The following GPC6 variants were observed in gnomAD, a reference collection of about 807,000 sequenced individuals.
GPC6 encodes the protein glypican 6, also known as glypican-6.
Under a neutral mutation model 55.2 loss-of-function variants are expected in GPC6, and 14 were observed. The observed-to-expected ratio is 0.25, with a 90% CI of 0.17 to 0.40. The LOEUF is 0.40. Ranked by LOEUF, GPC6 falls within the 10% of genes least tolerant of loss-of-function variation. The pLI is 1.00. For missense variants in GPC6, 641 were observed against 708.5 expected (o/e 0.90, Z 1.08); for synonymous variants, 278 against 259.6 (o/e 1.07, Z -0.68).
At chr13:93,241,339 G>C (rs1274005965) in intron 1 of GPC6, among the ~76,000 whole-genome samples, 2 of 152,092 alleles carry the variant, frequency 1.3e-5, no homozygotes, top group Admixed American at 6.5e-5. Flanking sequence ...CATTTCTTTT[G>C]ATTCTTTTTT....
At chr13:94,026,710 G>A (rs981050026) in intron 3 of GPC6, among the ~76,000 whole-genome samples, 4 of 152,102 alleles carry the variant, frequency 2.6e-5, no homozygotes, top group Admixed American at 6.6e-5. Context: ...TTTAATTGAT[G>A]CACAGTGCAG....
intron 2 of GPC6, among the ~76,000 whole-genome samples, chr13:93,765,589 A>G (rs1391622507): frequency 6.6e-6 from 1 of 152,190 alleles, no homozygotes; most frequent in Admixed American, 6.5e-5. Flanking sequence ...GAATTAATGT[A>G]TGCCCCAGGT....
intron 4 of GPC6, among the ~76,000 whole-genome samples, chr13:94,270,934 C>A (rs1172017316): frequency 7.3e-6 from 1 of 136,184 alleles, no homozygotes; most frequent in African/African-American, 2.7e-5. Context: ...TTAATGCAGC[C>A]TTATAAAGGA....
chr13:94,329,641 T>C (rs1877306187), intron 6 of GPC6, among the ~76,000 whole-genome samples: 1 of 152,184 alleles, frequency 6.6e-6, no homozygotes, highest in South Asian at 2.1e-4. Flanking sequence ...AAATTCATGT[T>C]TTTCCAGATG....
chr13:94,110,062 T>TAAAAAA (rs78404632), intron 4 of GPC6, among the ~76,000 whole-genome samples: 14 of 84,528 alleles, frequency 1.7e-4, no homozygotes, highest in East Asian at 6.1e-4. Context: ...CACCCTGGAC[T>TAAAAAA]AAAAAAAAAA....
chr13:93,948,066 A>G (rs1277831556), intron 3 of GPC6, among the ~76,000 whole-genome samples: 1 of 152,180 alleles, frequency 6.6e-6, no homozygotes, highest in African/African-American at 2.4e-5. Flanking sequence ...TATTTCTCAT[A>G]AATTTAAATT....
chr13:94,266,515 C>T lies in GPC6; in HGVS notation c.878-19834C>T, dbSNP rs117767164. Among the ~76,000 whole-genome samples, 666 of 152,192 alleles carry T rather than the reference C, an allele frequency of 4.4e-3. 21 individuals are homozygous for T. The East Asian group carries it at 0.069, about 16-fold the overall frequency. On this transcript the variant is annotated intron_variant, in intron 4 of 8. Transcript: ENST00000377047. ...CTGTTCTCCTTGTCTAATAGTCCAA[C>T]TTACACTCTTCCCCACCCTTCCCCA... is the stretch of plus-strand genomic sequence containing the variant.
intron 1 of GPC6, among the ~76,000 whole-genome samples, chr13:93,507,061 CAAAAAAAAAAAAAAAAA>C (rs56368708): frequency 9.6e-5 from 5 of 52,128 alleles, no homozygotes; most frequent in Non-Finnish European, 1.6e-4. Context: ...GACTCCGTCT[CAAAAAAAAAAAAAAAAA>C]AAAAAAAAAA....
intron 1 of GPC6, among the ~76,000 whole-genome samples, chr13:93,403,379 T>C (rs1177351065): frequency 6.6e-6 from 1 of 152,176 alleles, no homozygotes; most frequent in African/African-American, 2.4e-5. Flanking sequence ...TTTGTGAGGC[T>C]TCCTGAAGCT....
intron 1 of GPC6, among the ~76,000 whole-genome samples, chr13:93,385,807 T>C (rs1875372961): frequency 6.6e-6 from 1 of 152,054 alleles, no homozygotes; most frequent in Non-Finnish European, 1.5e-5. Context: ...TTTTATATTA[T>C]ATTGTAATTT....
At chr13:94,017,527 C>T (rs1034043885) in intron 3 of GPC6, among the ~76,000 whole-genome samples, 1 of 152,072 alleles carries the variant, frequency 6.6e-6, no homozygotes, top group African/African-American at 2.4e-5. Flanking sequence ...TGGGGAAAAC[C>T]ATCCCCATGA....
chr13:93,717,693 C>T (rs141323115), intron 2 of GPC6, among the ~76,000 whole-genome samples: 1,949 of 151,678 alleles, frequency 0.013, 53 homozygotes, highest in African/African-American at 0.044. Context: ...ATACATGTGC[C>T]ATGGTGGTTT....
intron 1 of GPC6, among the ~76,000 whole-genome samples, chr13:93,291,219 G>A (rs61965669): frequency 6.4e-4 from 98 of 152,188 alleles, no homozygotes; most frequent in Non-Finnish European, 1.3e-3. Context: ...ACATCTTGAT[G>A]GCCAGACCTC....
At chr13:94,150,606 T>C (rs892604178) in intron 4 of GPC6, among the ~76,000 whole-genome samples, 1 of 151,924 alleles carries the variant, frequency 6.6e-6, no homozygotes, top group Non-Finnish European at 1.5e-5. Context: ...CTCTGCTCTC[T>C]GTCCTCTTTC....
At chr13:94,056,980 A>G (rs1430400312) in intron 4 of GPC6, among the ~76,000 whole-genome samples, 4 of 152,140 alleles carry the variant, frequency 2.6e-5, no homozygotes, top group Admixed American at 2.0e-4. Flanking sequence ...ATTTTGTTGC[A>G]TTTTTCTATC....
At chr13:94,089,920 T>C (rs954206071) in intron 4 of GPC6, among the ~76,000 whole-genome samples, 3 of 152,130 alleles carry the variant, frequency 2.0e-5, no homozygotes, top group African/African-American at 7.2e-5. Context: ...ACACGTTAGG[T>C]ATACCTCAAG....
At chr13:94,106,455 G>C (rs1200295248) in intron 4 of GPC6, among the ~76,000 whole-genome samples, 2 of 152,004 alleles carry the variant, frequency 1.3e-5, no homozygotes, top group South Asian at 2.1e-4. Flanking sequence ...AAGGTGGAAG[G>C]GTTATTTTGT....
At chr13:94,125,453 G>T (rs754889006) in intron 4 of GPC6, among the ~76,000 whole-genome samples, 12 of 152,106 alleles carry the variant, frequency 7.9e-5, no homozygotes, top group Non-Finnish European at 1.3e-4. Flanking sequence ...AGTTCAGTGA[G>T]AAGCATTCAA....
At chr13:93,301,542 T>C (rs1015910584) in intron 1 of GPC6, among the ~76,000 whole-genome samples, 4 of 152,216 alleles carry the variant, frequency 2.6e-5, no homozygotes, top group African/African-American at 4.8e-5. Flanking sequence ...TCTGTGTTGG[T>C]GAGCCATGAG....
Sources: allele counts gnomAD v4.1 joint callset (sites outside exome capture counted in the v4.1 genomes callset), GRCh38; gene constraint gnomAD v4.1.1; transcripts MANE v1.5; gene names NCBI Gene and HGNC (gene_info 2026-07-23, HGNC 2026-07-21).